Variants in RYR2 observed in about 807,000 individuals in gnomAD.
The protein encoded by RYR2 is cardiac muscle ryanodine receptor-calcium release channel.
Under a neutral mutation model 601.1 loss-of-function variants are expected in RYR2, and 227 were observed. That is an observed-to-expected ratio of 0.38 (90% CI 0.34 to 0.42). RYR2 has a LOEUF of 0.42. Among genes scored for constraint, RYR2 ranks in the 10% least tolerant of loss-of-function variants. RYR2 has a pLI of 1.00. For missense variants in RYR2, 4,646 were observed against 6,156.5 expected, an observed-to-expected ratio of 0.75 and a Z score of 8.21; for synonymous variants, 2,223 against 2,175.1, an observed-to-expected ratio of 1.02 and a Z score of -0.61.
intron 36 of RYR2, among the ~76,000 whole-genome samples, chr1:237,612,696 A>G (rs1250404185): frequency 6.6e-6 from 1 of 152,174 alleles, no homozygotes; most frequent in African/African-American, 2.4e-5. Context: ...ACATTTGGGA[A>G]GGAATTCTTG....
chr1:237,334,459 A>G (rs1298845242), intron 3 of RYR2, among the ~76,000 whole-genome samples: 1 of 149,394 alleles, frequency 6.7e-6, no homozygotes, highest in African/African-American at 2.5e-5. Flanking sequence ...ATATATATAT[A>G]TGTTAAAAGA....
chr1:237,361,671 A>C (rs917805014), intron 4 of RYR2, among the ~76,000 whole-genome samples: 2 of 152,198 alleles, frequency 1.3e-5, no homozygotes, highest in African/African-American at 4.8e-5. Context: ...AGGTTTTTAG[A>C]AGCGTTCCTT....
chr1:237,451,089 A>G (rs1658038419), intron 14 of RYR2, among the ~76,000 whole-genome samples: 1 of 152,048 alleles, frequency 6.6e-6, no homozygotes, highest in Admixed American at 6.6e-5. Context: ...CAGGAGTATT[A>G]CCTATTATAA....
chr1:237,821,260 A>C (rs1662466500), intron 101 of RYR2, among the ~76,000 whole-genome samples: 1 of 152,034 alleles, frequency 6.6e-6, no homozygotes, highest in East Asian at 1.9e-4. Flanking sequence ...GCCGACAGAC[A>C]CCTTATACAG....
Position 237,792,382 on chromosome 1 carries a change from C to CGTGTGTGTGTGT in RYR2, c.13782+63_13782+74dup, listed in dbSNP as rs1359233766. 26 of 667,032 alleles carry CGTGTGTGTGTGT rather than the reference C, an allele frequency of 3.9e-5. 2 individuals are homozygous for CGTGTGTGTGTGT. Among genetic ancestry groups the CGTGTGTGTGTGT allele is most frequent in the Admixed American group, 3.0e-4 (9 of 29,574 alleles). The allele number at this position is 667,032 out of a possible 1,614,324, so 41.3% of individuals were successfully genotyped here. On this transcript the variant is annotated intron_variant, in intron 94 of 104. Coordinates refer to ENST00000366574, the MANE Select transcript of RYR2 (RefSeq NM_001035.3). The stretch of plus-strand genomic sequence containing the variant: ...GTGTGTGTGTGTGTGTGTGTGTGTG[C>CGTGTGTGTGTGT]GTGTGTGTGTGTGTGCGTGTGTGTG...
Position 237,655,901 on chromosome 1 carries a change from G to A in RYR2, c.8046G>A (p.Glu2682=), listed in dbSNP as rs1037662931. The change falls in exon 53 of 105, where the codon GAG becomes GAA. Residue 2682 remains glutamate, a synonymous_variant. Coordinates refer to ENST00000366574, the MANE Select transcript of RYR2 (RefSeq NM_001035.3). ...VAGALPPDYM[E]SNYVSMMEKQ... ...GAGCTTTGCCTCCAGACTACATGGA[G>A]TCAAATTATGTCAGTATGATGGAAA... The A allele has an allele frequency of 5.6e-6, 9 of 1,611,916 alleles. No homozygotes were observed. The highest frequency in any genetic ancestry group is 7.6e-6 in the Non-Finnish European group (9 of 1,178,996).
At chr1:237,527,848 T>G (rs560956503) in intron 24 of RYR2, among the ~76,000 whole-genome samples, 2 of 152,308 alleles carry the variant, frequency 1.3e-5, no homozygotes, top group Non-Finnish European at 2.9e-5. Context: ...AATGGAAAAC[T>G]TTAGAAATAA....
At chr1:237,655,141 C>T (rs1683118080) in intron 52 of RYR2, among the ~76,000 whole-genome samples, 1 of 152,128 alleles carries the variant, frequency 6.6e-6, no homozygotes, top group Non-Finnish European at 1.5e-5. Flanking sequence ...ACCGAATTTC[C>T]TTTGGTAAAC....
In RYR2 at chr1:237,322,821, CGTGT is replaced by C. The variant is rs113420477; in HGVS notation, c.169-8033_169-8030del. Among the ~76,000 whole-genome samples the C allele has an allele frequency of 2.9e-3, 410 of 143,126 alleles. 4 individuals carry two copies. The highest frequency in any genetic ancestry group is 0.011 in the Middle Eastern group (3 of 268). The allele number at this position is 143,126 out of a possible 152,430, so 93.9% of individuals were successfully genotyped here. ...CCTACATACGTAATAAACACACACA[CGTGT>C]GTGTGTGTGTGTGTGTGTGTGTGGT... On this transcript the variant is annotated intron_variant, in intron 2 of 104. Coordinates refer to ENST00000366574, the MANE Select transcript of RYR2 (RefSeq NM_001035.3).
chr1:237,262,256 T>TTG (rs1688611104), intron 1 of RYR2, among the ~76,000 whole-genome samples: 1 of 135,664 alleles, frequency 7.4e-6, no homozygotes, highest in Admixed American at 7.5e-5. Context: ...TTTTTTTTTT[T>TTG]TTTTTTTTTT....
Position 237,659,996 on chromosome 1 carries a change from A to G in RYR2, c.8220A>G (p.Gly2740=). 1 of 1,582,752 alleles carries G rather than the reference A, an allele frequency of 6.3e-7. No individual in the cohort carries two copies. The highest frequency in any genetic ancestry group is 8.6e-7 in the Non-Finnish European group (1 of 1,168,880). The change falls in exon 55 of 105, where the codon GGA becomes GGG. Residue 2740 remains glycine, a synonymous_variant. Coordinates refer to ENST00000366574, the MANE Select transcript of RYR2 (RefSeq NM_001035.3). ...DKWSMDKLAN[G]WIYGEIYSDS... is the part of the protein sequence containing the mutation. ...TGCCTTTTTTTAAGTTGGCAAATGG[A>G]TGGATTTATGGAGAAATATATTCAG...
At chr1:237,718,593 A>G (rs1393112816) in intron 73 of RYR2, 72 bp downstream of exon 73, 2 of 721,754 alleles carry the variant, frequency 2.8e-6, no homozygotes, top group African/African-American at 1.8e-5. Flanking sequence ...AAATAATACT[A>G]TAAATAATGT....
At chr1:237,389,878 C>A (rs963022698) in intron 10 of RYR2, among the ~76,000 whole-genome samples, 4 of 152,070 alleles carry the variant, frequency 2.6e-5, no homozygotes, top group Non-Finnish European at 4.4e-5. Context: ...GGAATGGGGT[C>A]TATCATATGT....
intron 24 of RYR2, among the ~76,000 whole-genome samples, chr1:237,521,745 T>A (rs1572703403): frequency 1.8e-5 from 2 of 113,382 alleles, no homozygotes; most frequent in East Asian, 6.1e-4. Context: ...ATTAAATACA[T>A]AAAAAAAAAT....
intron 10 of RYR2, among the ~76,000 whole-genome samples, chr1:237,390,217 T>C (rs1702265015): frequency 6.6e-6 from 1 of 152,178 alleles, no homozygotes; most frequent in Non-Finnish European, 1.5e-5. Context: ...ATTTGTTAAA[T>C]GGAAGACAGA....
At chr1:237,743,521 A>T (rs1691798981) in intron 80 of RYR2, 1 of 507,312 alleles carries the variant, frequency 2.0e-6, no homozygotes, top group African/African-American at 1.9e-5. Context: ...TCTGAAGTGC[A>T]CAGCATTTAT....
At chr1:237,262,449 G>A (rs748446301) in intron 1 of RYR2, among the ~76,000 whole-genome samples, 6 of 151,610 alleles carry the variant, frequency 4.0e-5, no homozygotes, top group African/African-American at 7.3e-5. Flanking sequence ...TAGAGATGGG[G>A]TTTCACCATG....
intron 1 of RYR2, among the ~76,000 whole-genome samples, chr1:237,147,019 G>A (rs1474022929): frequency 6.6e-6 from 1 of 152,042 alleles, no homozygotes; most frequent in Non-Finnish European, 1.5e-5. Flanking sequence ...TCTGGGGATG[G>A]GGATGATTAA....
rs137867436 is a variant in RYR2 at position 237,460,890 on chromosome 1, A to G, written c.1612+4155A>G. Among the ~76,000 whole-genome samples the G allele has an allele frequency of 1.0e-3, 153 of 152,288 alleles. 2 individuals are homozygous for G. Among genetic ancestry groups the G allele is most frequent in the African/African-American group, 3.6e-3 (148 of 41,578 alleles). On this transcript the variant is annotated intron_variant, in intron 16 of 104. Transcript: ENST00000366574. Reference sequence around the variant, plus strand: ...AGCATCGCATATTGTTGTTCTTCTTATCATTATTCCCATTTCTTTTGGATG... The same window carrying G: ...AGCATCGCATATTGTTGTTCTTCTTGTCATTATTCCCATTTCTTTTGGATG...
Sources: allele counts gnomAD v4.1 joint callset (sites outside exome capture counted in the v4.1 genomes callset), GRCh38; gene constraint gnomAD v4.1.1; transcripts MANE v1.5; gene names NCBI Gene and HGNC (gene_info 2026-07-23, HGNC 2026-07-21).